CRISP2: variants seen among roughly 807,000 people sequenced by gnomAD.
CRISP2 encodes cysteine rich secretory protein 2, also known as cysteine-rich secretory protein 2.
A neutral mutation model predicts 31.7 loss-of-function variants in CRISP2; 29 were observed. The observed-to-expected ratio is 0.92, with a 90% CI of 0.68 to 1.25. The LOEUF (loss-of-function observed/expected upper bound fraction) is 1.25, where lower values mean the gene tolerates loss of function less well. Ranked by LOEUF, CRISP2 falls within the 50% of genes most tolerant of loss-of-function variation. The pLI is 0.00. For missense variants in CRISP2, 318 were observed against 286.5 expected, an observed-to-expected ratio of 1.11 and a Z score of -0.79; for synonymous variants, 111 against 101.4, an observed-to-expected ratio of 1.09 and a Z score of -0.57.
At chr6:49,677,897 A>T in the CRISP2 span, among the ~76,000 whole-genome samples, 1 of 152,144 alleles carries the variant, frequency 6.6e-6, no homozygotes, top group Non-Finnish European at 1.5e-5. Context: ...ATGGTATTCA[A>T]TTGTAAATTC....
chr6:49,701,357 T>C (rs1026660814), intron 4 of CRISP2, among the ~76,000 whole-genome samples: 2 of 151,628 alleles, frequency 1.3e-5, no homozygotes, highest in East Asian at 1.9e-4. Flanking sequence ...CTCCCACTTA[T>C]TAGTGAGGAC....
At chr6:49,690,003 G>A (rs1404281746), downstream of CRISP2, among the ~76,000 whole-genome samples, 1 of 152,004 alleles carries the variant, frequency 6.6e-6, no homozygotes, top group Admixed American at 6.6e-5. Flanking sequence ...TGCTTTATTG[G>A]AATTAATAAA....
downstream of CRISP2, among the ~76,000 whole-genome samples, chr6:49,690,272 T>C (rs1267707607): frequency 2.6e-5 from 4 of 152,058 alleles, no homozygotes; most frequent in Admixed American, 2.0e-4. Context: ...GAATAAATAG[T>C]CACAGGTTTC....
rs201511490 is a variant in CRISP2 at position 49,695,820 on chromosome 6, A to G, written c.604+16T>C. 5 of 1,536,144 alleles carry G rather than the reference A, an allele frequency of 3.3e-6. No individual in the cohort carries two copies. The highest frequency in any genetic ancestry group is 4.5e-6 in the Non-Finnish European group (5 of 1,118,332). ...TTCTATAATAAATAATAGCAAGCTAATCACTTCAAACTTACTGCATAGTCC... is the reference window on the plus strand; with the variant it reads ...TTCTATAATAAATAATAGCAAGCTAGTCACTTCAAACTTACTGCATAGTCC... On this transcript the variant is annotated intron_variant, in intron 9 of 9. Coordinates refer to ENST00000339139, the MANE Select transcript of CRISP2 (RefSeq NM_003296.4).
chr6:49,709,018 C>G, intron 4 of CRISP2, 113 bp downstream of exon 4: 2 of 842,658 alleles, frequency 2.4e-6, no homozygotes, highest in South Asian at 3.0e-5. Flanking sequence ...GAACTCTGAA[C>G]CAGTGGAAAC....
chr6:49,702,814 A>AT (rs1383791971), intron 4 of CRISP2, among the ~76,000 whole-genome samples: 20 of 152,020 alleles, frequency 1.3e-4, no homozygotes, highest in South Asian at 2.1e-4. Context: ...ATGAAGTCCC[A>AT]TTTTTTATCT....
chr6:49,682,620 TTTC>T, the CRISP2 span, among the ~76,000 whole-genome samples: 35 of 69,218 alleles, frequency 5.1e-4, no homozygotes, highest in South Asian at 1.3e-3. Flanking sequence ...TCTTTCTTTC[TTTC>T]TTTCTTTCTT....
At chr6:49,699,755 A>C in intron 6 of CRISP2, 49 bp downstream of exon 6, 1 of 1,287,206 alleles carries the variant, frequency 7.8e-7, no homozygotes, top group Non-Finnish European at 1.1e-6. Flanking sequence ...ATGCTCTATT[A>C]TTATTTTATT....
chr6:49,702,273 G>A (rs1766217281), intron 4 of CRISP2, among the ~76,000 whole-genome samples: 1 of 148,336 alleles, frequency 6.7e-6, no homozygotes. Context: ...AAACATGCGT[G>A]TGCAAGTGTC....
intron 4 of CRISP2, among the ~76,000 whole-genome samples, chr6:49,705,146 A>C (rs571966402): frequency 3.3e-5 from 5 of 152,206 alleles, no homozygotes; most frequent in Admixed American, 2.6e-4. Context: ...AGGATTAGGC[A>C]TATCTGAACT....
intron 4 of CRISP2, among the ~76,000 whole-genome samples, chr6:49,704,865 C>T (rs141988877): frequency 1.1e-3 from 175 of 152,278 alleles, no homozygotes; most frequent in African/African-American, 3.9e-3. Context: ...AGTCTCAGGA[C>T]CTCTGGTTAG....
chr6:49,681,883 C>T, the CRISP2 span, among the ~76,000 whole-genome samples: 1 of 151,946 alleles, frequency 6.6e-6, no homozygotes, highest in Non-Finnish European at 1.5e-5. Context: ...ATGTTGCTTT[C>T]CTCCTTGTCA....
intron 4 of CRISP2, among the ~76,000 whole-genome samples, chr6:49,703,360 A>G (rs931230006): frequency 1.8e-4 from 27 of 151,940 alleles, no homozygotes; most frequent in African/African-American, 6.3e-4. Flanking sequence ...TTGAAAAATG[A>G]TGATGGTATT....
intron 8 of CRISP2, among the ~76,000 whole-genome samples, chr6:49,696,935 T>C (rs763175597): frequency 2.1e-4 from 32 of 152,158 alleles, no homozygotes; most frequent in Non-Finnish European, 4.3e-4. Flanking sequence ...CTGCTGATGC[T>C]TCCCTCTGAG....
chr6:49,689,662 G>T (rs1763989034), downstream of CRISP2, among the ~76,000 whole-genome samples: 1 of 151,780 alleles, frequency 6.6e-6, no homozygotes, highest in Non-Finnish European at 1.5e-5. Flanking sequence ...ACATTTTTAG[G>T]AATAAGTTTT....
At chr6:49,694,840 T>G (rs1764485509) in intron 9 of CRISP2, among the ~76,000 whole-genome samples, 1 of 151,838 alleles carries the variant, frequency 6.6e-6, no homozygotes, top group Non-Finnish European at 1.5e-5. Flanking sequence ...TTCAAGCGAT[T>G]CTCCTGCCTC....
chr6:49,700,777 G>A lies in CRISP2; in HGVS notation c.74C>T (p.Ala25Val). ...CTGGGTGGTTAACAAAGCAGTAAAAGCGGGATCCTAAAAGAAAATAAAATT... is the reference window on the plus strand; with the variant it reads ...CTGGGTGGTTAACAAAGCAGTAAAAACGGGATCCTAAAAGAAAATAAAATT... ...PSLPAEGKDPAFTALLTTQLQ... is the reference protein window; with the variant it reads ...PSLPAEGKDPVFTALLTTQLQ... The change falls in exon 5 of 10, where the codon GCT (alanine) becomes GTT (valine). Residue 25 changes from alanine (A) to valine (V), a missense_variant. Ala to Val is a moderately conservative substitution (Grantham distance 64). Transcript: ENST00000339139. 6.3e-7 allele frequency: 1 copy of A among 1,596,142 alleles called. No individual in the cohort carries two copies. The highest frequency in any genetic ancestry group is 1.3e-5 in the African/African-American group (1 of 74,538).
chr6:49,677,946 T>G, the CRISP2 span, among the ~76,000 whole-genome samples: 1 of 152,070 alleles, frequency 6.6e-6, no homozygotes, highest in Non-Finnish European at 1.5e-5. Context: ...AGAAACTGGG[T>G]TTAGGATCAA....
rs200241152 is a variant in CRISP2, at chr6:49,695,865, C to T, written c.575G>A (p.Cys192Tyr). The T allele has an allele frequency of 1.9e-6, 3 of 1,613,210 alleles. No homozygotes were observed. The highest frequency in any genetic ancestry group is 4.5e-5 in the East Asian group (2 of 44,786). ...PYQQGTPCAG[C>Y]PDDCDKGLCT... ...TAGTCCTTTGTCACAGTCATCAGGG[C>T]AACCGGCACAAGGTGTTCCTTGTTG... Residue 192 changes from cysteine (C) to tyrosine (Y), a missense_variant, in exon 9 of 10, where the codon TGC becomes TAC. Transcript: ENST00000339139.
Sources: gnomAD v4.1 joint callset for allele counts (sites outside exome capture counted in the v4.1 genomes callset) on GRCh38, gnomAD v4.1.1 for gene constraint, MANE v1.5 for transcripts, NCBI Gene and HGNC (gene_info 2026-07-23, HGNC 2026-07-21) for gene names.